The following PRXL2C variants were observed in gnomAD, a reference collection of about 807,000 sequenced individuals.
PRXL2C encodes the protein peroxiredoxin-like 2C.
Under a neutral mutation model 24.9 loss-of-function variants are expected in PRXL2C, and 38 were observed. That is an observed-to-expected ratio of 1.53 (90% confidence interval 1.18 to 2.00). PRXL2C has a LOEUF of 2.00. PRXL2C is among the 30% of genes most tolerant of loss of function. The probability of loss-of-function intolerance (pLI) is 0.00; values close to 1 mark genes in which losing one functional copy is unlikely to be tolerated. For missense variants in PRXL2C, 294 were observed against 290.9 expected, an observed-to-expected ratio of 1.01 and a Z score of -0.08; for synonymous variants, 98 against 117.2, an observed-to-expected ratio of 0.84 and a Z score of 1.06.
Position 96,654,781 on chromosome 9 carries a change from C to G in PRXL2C, c.193-8G>C. 2 of 1,558,084 alleles carry G rather than the reference C, an allele frequency of 1.3e-6. No homozygotes were observed. Among genetic ancestry groups the G allele is most frequent in the Non-Finnish European group, 1.7e-6 (2 of 1,149,926 alleles). ...GATGTAACACAGGAAATGCTGAAAG[C>G]CAAAACGGCAGAAAGGGCAAGTTAG... On this transcript the variant is annotated splice_polypyrimidine_tract_variant and splice_region_variant and intron_variant, in intron 1 of 5. Coordinates refer to ENST00000375234, the MANE Select transcript of PRXL2C (RefSeq NM_153698.2).
At chr9:96,654,634 C>T in intron 2 of PRXL2C, 71 bp downstream of exon 2, 4 of 1,428,906 alleles carry the variant, frequency 2.8e-6, no homozygotes, top group Non-Finnish European at 3.8e-6. Flanking sequence ...GCGCTGGAGC[C>T]GCGTCCTCCC....
chr9:96,654,737 C>T lies in PRXL2C; in HGVS notation c.229G>A (p.Asp77Asn). The T allele has an allele frequency of 6.4e-7, 1 of 1,567,146 alleles. No individual in the cohort carries two copies. Among genetic ancestry groups the T allele is most frequent in the Non-Finnish European group, 8.7e-7 (1 of 1,154,612 alleles). Residue 77 changes from aspartate to asparagine, a missense_variant, in exon 2 of 6, where the codon GAT becomes AAT. By Grantham distance (23) the Asp-to-Asn change is conservative. Coordinates refer to ENST00000375234, the MANE Select transcript of PRXL2C (RefSeq NM_153698.2). ...AAACTCCTGGGGATTTTGGCCAGAT[C>T]CTCTACGTATTCCTTGCAGATGTAA... The part of the protein sequence containing the change: ...LCYICKEYVE[D>N]LAKIPRSFLQ...
Position 96,647,767 on chromosome 9 carries a change from A to AT in PRXL2C, c.422-1744dup, listed in dbSNP as rs377625708. ...GGTCTCAAATTCCTGGCCTCAAGTG[A>AT]TCCTCCCACCTCCGCCTCCCAAAGT... is the stretch of plus-strand genomic sequence containing the variant. On this transcript the variant is annotated intron_variant, in intron 4 of 5. Coordinates refer to ENST00000375234, the MANE Select transcript of PRXL2C (RefSeq NM_153698.2). Among the ~76,000 whole-genome samples the AT allele has an allele frequency of 2.5e-3, 374 of 151,918 alleles. 4 individuals carry two copies. The highest frequency in any genetic ancestry group is 8.5e-3 in the African/African-American group (354 of 41,448).
chr9:96,649,685 T>C (rs1848244845), intron 4 of PRXL2C, among the ~76,000 whole-genome samples: 1 of 152,024 alleles, frequency 6.6e-6, no homozygotes, highest in African/African-American at 2.4e-5. Context: ...TGTCATTTCT[T>C]TCTAGCTTAT....
At chr9:96,644,875 TG>T in intron 5 of PRXL2C, among the ~76,000 whole-genome samples, 1 of 132,764 alleles carries the variant, frequency 7.5e-6, no homozygotes, top group African/African-American at 2.8e-5. Context: ...AATAACTACA[TG>T]GATTCTTTTT....
Position 96,654,624 on chromosome 9 carries a change from G to A in PRXL2C, c.261+81C>T, listed in dbSNP as rs1454856607. 3.0e-6 allele frequency: 4 copies of A among 1,351,422 alleles called. No individual in the cohort carries two copies. In the African/African-American group the frequency reaches 5.9e-5, roughly 20 times the overall value. 83.7% of individuals were successfully genotyped at this position (1,351,422 alleles called of 1,614,324 possible). On this transcript the variant is annotated intron_variant, in intron 2 of 5. Transcript: ENST00000375234. ...AGGGGCAATCCAGGCTGCAAGTTCC[G>A]CGCTGGAGCCGCGTCCTCCCCCGCC...
chr9:96,654,707 G>T lies in PRXL2C; in HGVS notation c.259C>A (p.Gln87Lys), dbSNP rs1414992234. Residue 87 changes from glutamine to lysine, a missense_variant and splice_region_variant, in exon 2 of 6, where the codon CAA (glutamine) becomes AAA (lysine). Gln to Lys is a moderately conservative substitution (Grantham distance 53). Transcript: ENST00000375234. Reference sequence around the variant, plus strand: ...GCCGCCCACGCTGGGAAACTCACTTGTAAGAAACTCCTGGGGATTTTGGCC... The same window carrying T: ...GCCGCCCACGCTGGGAAACTCACTTTTAAGAAACTCCTGGGGATTTTGGCC... Reference protein sequence around the residue: ...DLAKIPRSFLQEANVTLIVIG... With the variant: ...DLAKIPRSFLKEANVTLIVIG... 2 of 1,562,066 alleles carry T rather than the reference G, an allele frequency of 1.3e-6. No individual in the cohort carries two copies. Among genetic ancestry groups the T allele is most frequent in the Non-Finnish European group, 1.7e-6 (2 of 1,151,926 alleles).
At chr9:96,654,963 A>G in intron 1 of PRXL2C, 127 bp downstream of exon 1, 1 of 1,256,916 alleles carries the variant, frequency 8.0e-7, no homozygotes, top group African/African-American at 1.6e-5. Flanking sequence ...CCTAGTTGGG[A>G]AGCGGCCGCG....
chr9:96,655,135 G>T lies in PRXL2C; in HGVS notation c.147C>A (p.Phe49Leu). ...VLDARGQRVP[F>L]GALFRERRAV... Reference sequence around the variant, plus strand: ...CGCGGCGCTCCCGGAACAGCGCGCCGAACGGTACCCGCTGCCCGCGGGCGT... The same window carrying T: ...CGCGGCGCTCCCGGAACAGCGCGCCTAACGGTACCCGCTGCCCGCGGGCGT... The change falls in exon 1 of 6, where the codon TTC (phenylalanine) becomes TTA (leucine). Residue 49 changes from phenylalanine (F) to leucine (L), a missense_variant. Phe to Leu is a conservative substitution (Grantham distance 22, BLOSUM62 0). Coordinates refer to ENST00000375234, the MANE Select transcript of PRXL2C (RefSeq NM_153698.2). 3 of 1,376,946 alleles carry T rather than the reference G, an allele frequency of 2.2e-6. No homozygotes were observed. Among genetic ancestry groups the T allele is most frequent in the South Asian group, 1.7e-5 (1 of 60,606 alleles). 85.3% of individuals were successfully genotyped at this position (1,376,946 alleles called of 1,614,324 possible).
intron 4 of PRXL2C, among the ~76,000 whole-genome samples, chr9:96,651,183 C>T (rs1848260035): frequency 6.6e-6 from 1 of 152,094 alleles, no homozygotes; most frequent in South Asian, 2.1e-4. Context: ...GAGGCTGAAG[C>T]AGGAGAATCA....
chr9:96,655,269 CCGGCGCGGCCATGACG>C lies in PRXL2C; in HGVS notation c.-4_12del. On this transcript the variant is annotated start_lost and 5_prime_UTR_variant, in exon 1 of 6. Coordinates refer to ENST00000375234, the MANE Select transcript of PRXL2C (RefSeq NM_153698.2). ...CCGCTAACCTGCCGCGTGACCGGGG[CCGGCGCGGCCATGACG>C]CGGGGCGGCCGAGGGCCTGGGTCCG... 1 of 1,077,386 alleles carries C rather than the reference CCGGCGCGGCCATGACG, an allele frequency of 9.3e-7. No homozygotes were observed. The highest frequency in any genetic ancestry group is 1.1e-6 in the Non-Finnish European group (1 of 890,762). 66.7% of individuals were successfully genotyped at this position (1,077,386 alleles called of 1,614,324 possible). A position where few individuals can be genotyped will look rare whatever the true frequency, so the allele number is the denominator to read the frequency against.
At position 96,646,800 on chromosome 9, in the gene PRXL2C, T is replaced by C. The variant is rs527239733; in HGVS notation, c.422-776A>G. Among the ~76,000 whole-genome samples, 400 of 152,270 alleles carry C rather than the reference T, an allele frequency of 2.6e-3. 4 individuals carry two copies. Among genetic ancestry groups the C allele is most frequent in the African/African-American group, 8.5e-3 (354 of 41,566 alleles). ...GAAAAACCGTTCTTGAAAAAAAATTTTTTTTTTGAGATGGAGTTTCACTCT... is the reference window on the plus strand; with the variant it reads ...GAAAAACCGTTCTTGAAAAAAAATTCTTTTTTTGAGATGGAGTTTCACTCT... On this transcript the variant is annotated intron_variant, in intron 4 of 5. Coordinates refer to ENST00000375234, the MANE Select transcript of PRXL2C (RefSeq NM_153698.2).
chr9:96,648,722 C>G (rs1240500795), intron 4 of PRXL2C, among the ~76,000 whole-genome samples: 3 of 152,038 alleles, frequency 2.0e-5, no homozygotes, highest in Non-Finnish European at 1.5e-5. Flanking sequence ...TTTATTGTGA[C>G]AATGAATAGT....
At position 96,645,886 on chromosome 9, in the gene PRXL2C, T is replaced by G. The variant is rs767415668; in HGVS notation, c.553+7A>C. Reference sequence around the variant, plus strand: ...GTCTACTGCTGAACCTGGGCTTTGATGCTTACCTGGACCTAAAATGAGGGT... The same window carrying G: ...GTCTACTGCTGAACCTGGGCTTTGAGGCTTACCTGGACCTAAAATGAGGGT... On this transcript the variant is annotated splice_region_variant and intron_variant, in intron 5 of 5. Coordinates refer to ENST00000375234, the MANE Select transcript of PRXL2C (RefSeq NM_153698.2). The G allele has an allele frequency of 6.2e-7, 1 of 1,603,448 alleles. No individual in the cohort carries two copies. Among genetic ancestry groups the G allele is most frequent in the African/African-American group, 1.3e-5 (1 of 74,200 alleles).
intron 2 of PRXL2C, among the ~76,000 whole-genome samples, chr9:96,653,534 T>A (rs1396547501): frequency 6.6e-6 from 1 of 152,196 alleles, no homozygotes; most frequent in Non-Finnish European, 1.5e-5. Context: ...CCATGGTGAC[T>A]ATAGTTAACA....
At chr9:96,650,296 C>T (rs1010160128) in intron 4 of PRXL2C, among the ~76,000 whole-genome samples, 10 of 152,050 alleles carry the variant, frequency 6.6e-5, no homozygotes, top group African/African-American at 2.2e-4. Context: ...AACAAGAGGT[C>T]GATAATATTT....
At chr9:96,651,369 T>C in intron 4 of PRXL2C, 21 bp downstream of exon 4, 2 of 1,509,776 alleles carry the variant, frequency 1.3e-6, no homozygotes, top group East Asian at 2.3e-5. Context: ...TGTTTTCTAT[T>C]TGAGACATGT....
chr9:96,653,214 G>A (rs1281132407), intron 2 of PRXL2C, among the ~76,000 whole-genome samples: 3 of 149,396 alleles, frequency 2.0e-5, no homozygotes, highest in Non-Finnish European at 4.4e-5. Flanking sequence ...GCGATAGAGT[G>A]AGACTCCATC....
At chr9:96,647,300 A>G (rs1564408955) in intron 4 of PRXL2C, among the ~76,000 whole-genome samples, 1 of 151,738 alleles carries the variant, frequency 6.6e-6, no homozygotes, top group Non-Finnish European at 1.5e-5. Flanking sequence ...CTTGTAATTA[A>G]TTTTTCTCCT....
Sources: allele counts gnomAD v4.1 joint callset (sites outside exome capture counted in the v4.1 genomes callset), GRCh38; gene constraint gnomAD v4.1.1; transcripts MANE v1.5; gene names NCBI Gene and HGNC (gene_info 2026-07-23, HGNC 2026-07-21).